UTRN: variants seen among roughly 807,000 people sequenced by gnomAD.
UTRN encodes the protein utrophin.
A neutral mutation model predicts 463.9 loss-of-function variants in UTRN; 283 were observed. That is an observed-to-expected ratio of 0.61 (90% CI 0.55 to 0.67). The LOEUF (loss-of-function observed/expected upper bound fraction) is 0.67, where lower values mean the gene tolerates loss of function less well. Ranked by LOEUF, UTRN falls within the 30% of genes least tolerant of loss-of-function variation. The probability of loss-of-function intolerance (pLI) is 0.00; values close to 1 mark genes in which losing one functional copy is unlikely to be tolerated. For synonymous variants in UTRN, 1,442 were observed against 1,431.5 expected (o/e 1.01, Z -0.17); for missense variants, 3,922 against 4,084.3 (o/e 0.96, Z 1.08).
At chr6:144,827,748 T>G in intron 68 of UTRN, 72 bp downstream of exon 68, 1 of 1,484,540 alleles carries the variant, frequency 6.7e-7, no homozygotes, top group Non-Finnish European at 9.3e-7. Flanking sequence ...TAATCTAATA[T>G]CATTAATATA....
At chr6:144,606,906 G>A (rs1279044171) in intron 51 of UTRN, among the ~76,000 whole-genome samples, 1 of 152,196 alleles carries the variant, frequency 6.6e-6, no homozygotes, top group African/African-American at 2.4e-5. Context: ...TGTTACCCAG[G>A]ATGCTTCAGG....
intron 3 of UTRN, among the ~76,000 whole-genome samples, chr6:144,416,529 C>T (rs892727612): frequency 1.3e-5 from 2 of 152,158 alleles, no homozygotes; most frequent in African/African-American, 4.8e-5. Context: ...TTGCATTGTG[C>T]TGACCGTTCG....
At chr6:144,503,510 C>A (rs1483860119) in intron 34 of UTRN, among the ~76,000 whole-genome samples, 1 of 152,058 alleles carries the variant, frequency 6.6e-6, no homozygotes, top group African/African-American at 2.4e-5. Flanking sequence ...ATAGGGAATC[C>A]TTTCCCTATT....
chr6:144,779,784 A>C (rs562332739), intron 60 of UTRN, among the ~76,000 whole-genome samples: 18 of 152,240 alleles, frequency 1.2e-4, no homozygotes, highest in African/African-American at 4.3e-4. Context: ...TTACAGTGAA[A>C]ATTCCAGATG....
chr6:144,485,252 A>C, intron 27 of UTRN, 133 bp from the exon 28 acceptor site: 1 of 1,337,046 alleles, frequency 7.5e-7, no homozygotes, highest in Non-Finnish European at 1.0e-6. Flanking sequence ...TGAAGTTTCA[A>C]CTCCATCAGT....
At chr6:144,656,212 G>C (rs1435234260) in intron 51 of UTRN, among the ~76,000 whole-genome samples, 1 of 152,178 alleles carries the variant, frequency 6.6e-6, no homozygotes, top group Non-Finnish European at 1.5e-5. Flanking sequence ...TTGGGAAAAT[G>C]TCAACTACTT....
chr6:144,561,886 G>T (rs984333231), intron 50 of UTRN, among the ~76,000 whole-genome samples: 1 of 152,126 alleles, frequency 6.6e-6, no homozygotes, highest in Non-Finnish European at 1.5e-5. Flanking sequence ...TTAGTCAAAT[G>T]CACAGTACTT....
intron 51 of UTRN, among the ~76,000 whole-genome samples, chr6:144,639,615 C>T (rs1030109830): frequency 1.3e-5 from 2 of 152,148 alleles, no homozygotes; most frequent in African/African-American, 4.8e-5. Flanking sequence ...AGGTATCATT[C>T]TTGAATACAT....
chr6:144,577,201 C>G lies in UTRN; in HGVS notation c.7392C>G (p.Thr2464=). 10 of 1,613,918 alleles carry G rather than the reference C, an allele frequency of 6.2e-6. No individual in the cohort carries two copies. Among genetic ancestry groups the G allele is most frequent in the Non-Finnish European group, 8.5e-6 (10 of 1,179,930 alleles). ...TGAAGTGGATCCAAGAAGCAGAGAC[C>G]ACAGTGAATGTGCTTGTGGATGCCT... ...NFLKWIQEAE[T]TVNVLVDASH... is the part of the protein sequence containing the mutation. Residue 2464 remains threonine (T), a synonymous_variant, in exon 51 of 75, where the codon ACC becomes ACG. Transcript: ENST00000367545.
At chr6:144,476,612 G>A (rs1168395417) in intron 25 of UTRN, among the ~76,000 whole-genome samples, 1 of 152,182 alleles carries the variant, frequency 6.6e-6, no homozygotes, top group Non-Finnish European at 1.5e-5. Context: ...TTTGATGCTA[G>A]AAGCTAAGGA....
intron 42 of UTRN, among the ~76,000 whole-genome samples, chr6:144,531,628 C>T (rs1266152690): frequency 6.6e-6 from 1 of 152,150 alleles, no homozygotes; most frequent in Non-Finnish European, 1.5e-5. Context: ...GGAGCGACAG[C>T]AGGGCAGCTG....
chr6:144,457,613 A>G (rs572329638), intron 19 of UTRN, among the ~76,000 whole-genome samples: 2 of 152,300 alleles, frequency 1.3e-5, no homozygotes, highest in South Asian at 4.1e-4. Context: ...CTTATGTCTC[A>G]TATTCTCTTA....
intron 43 of UTRN, among the ~76,000 whole-genome samples, chr6:144,536,446 T>G (rs1020680679): frequency 2.0e-5 from 3 of 152,136 alleles, no homozygotes; most frequent in African/African-American, 7.2e-5. Context: ...GTTGCTGTAT[T>G]TATTTATTTT....
intron 72 of UTRN, 42 bp from the exon 73 acceptor site, chr6:144,840,698 T>C: frequency 6.2e-7 from 1 of 1,608,158 alleles, no homozygotes; most frequent in Non-Finnish European, 8.5e-7. Flanking sequence ...GGCTAGACAT[T>C]AATTTGAGAA....
rs1290967364 is a variant in UTRN, at chr6:144,852,676, A to G, written c.*1679A>G. The G allele has an allele frequency of 2.6e-5, 4 of 152,632 alleles. No individual in the cohort carries two copies. Among genetic ancestry groups the G allele is most frequent in the Admixed American group, 1.3e-4 (2 of 15,268 alleles). 9.5% of individuals were successfully genotyped at this position (152,632 alleles called of 1,614,324 possible). A position where few individuals can be genotyped will look rare whatever the true frequency, so the allele number is the denominator to read the frequency against. The stretch of plus-strand genomic sequence containing the variant: ...GTCTGCAAAGTCTAGAGCTTTTATC[A>G]GGCCATGTCATACCCAAGAAAGCAC... On this transcript the variant is annotated 3_prime_UTR_variant, in exon 75 of 75. Coordinates refer to ENST00000367545, the MANE Select transcript of UTRN (RefSeq NM_007124.3).
intron 26 of UTRN, among the ~76,000 whole-genome samples, chr6:144,480,510 T>A (rs1367131783): frequency 6.6e-6 from 1 of 152,224 alleles, no homozygotes; most frequent in African/African-American, 2.4e-5. Flanking sequence ...ACGGCACATA[T>A]GAACACTGAC....
chr6:144,718,065 G>A (rs1286233511), intron 53 of UTRN, among the ~76,000 whole-genome samples: 3 of 152,184 alleles, frequency 2.0e-5, no homozygotes, highest in Non-Finnish European at 4.4e-5. Flanking sequence ...AAAGCTCTAG[G>A]TAAAATGGCT....
chr6:144,562,195 A>T (rs927961282), intron 50 of UTRN, among the ~76,000 whole-genome samples: 4 of 152,130 alleles, frequency 2.6e-5, no homozygotes, highest in African/African-American at 9.7e-5. Flanking sequence ...TTATTTATTT[A>T]AAAAAATATT....
rs565532194 is a variant in UTRN, at chr6:144,631,852, AG to A, written c.7480-46553del. Among the ~76,000 whole-genome samples, 396 of 152,328 alleles carry A rather than the reference AG, an allele frequency of 2.6e-3. 3 individuals are homozygous for A. Among genetic ancestry groups the A allele is most frequent in the African/African-American group, 8.7e-3 (363 of 41,562 alleles). ...AGGCATACTAATGCTCTGGAAAGAA[AG>A]AAAAAGAAGGAAAATTAATTTAGAG... On this transcript the variant is annotated intron_variant, in intron 51 of 74. Transcript: ENST00000367545.
Sources: allele counts gnomAD v4.1 joint callset (sites outside exome capture counted in the v4.1 genomes callset), GRCh38; gene constraint gnomAD v4.1.1; transcripts MANE v1.5; gene names NCBI Gene and HGNC (gene_info 2026-07-23, HGNC 2026-07-21).